Variants in PROSER2 observed in about 807,000 individuals in gnomAD.
PROSER2 encodes proline and serine rich 2.
Under a neutral mutation model 14.6 loss-of-function variants are expected in PROSER2, and 18 were observed. The observed-to-expected ratio is 1.23, with a 90% CI of 0.85 to 1.83. The LOEUF (loss-of-function observed/expected upper bound fraction) is 1.83. Ranked by LOEUF, PROSER2 falls within the 40% of genes most tolerant of loss-of-function variation. The probability of loss-of-function intolerance (pLI) is 0.00; values close to 1 mark genes in which losing one functional copy is unlikely to be tolerated. For missense variants in PROSER2, 823 were observed against 629.8 expected (o/e 1.31, Z -3.28); for synonymous variants, 367 against 286.4 (o/e 1.28, Z -2.84).
In PROSER2 at chr10:11,862,188, G is replaced by A. The variant is rs1352615223; in HGVS notation, c.139-4343G>A. Among the ~76,000 whole-genome samples, 3 of 152,166 alleles carry A rather than the reference G, an allele frequency of 2.0e-5. No individual in the cohort carries two copies. The highest frequency in any genetic ancestry group is 2.4e-5 in the African/African-American group (1 of 41,436). On this transcript the variant is annotated intron_variant, in intron 2 of 3. Coordinates refer to ENST00000277570, the MANE Select transcript of PROSER2 (RefSeq NM_153256.4). The surrounding 1 kb of genome is among the most constrained non-coding windows in gnomAD (Gnocchi z 4.2). ...CATATTCATGGGTCAAGAAAAGATCGCAGAGACATCAGTTCTCTGCAATTT... is the reference window on the plus strand; with the variant it reads ...CATATTCATGGGTCAAGAAAAGATCACAGAGACATCAGTTCTCTGCAATTT...
chr10:11,825,447 TAAG>T (rs1247036453), intron 1 of PROSER2, among the ~76,000 whole-genome samples: 2 of 152,154 alleles, frequency 1.3e-5, no homozygotes, highest in Non-Finnish European at 2.9e-5. Context: ...CTCTGTGCTC[TAAG>T]AAGAGGGCCT....
chr10:11,870,106 G>A lies in PROSER2; in HGVS notation c.1008G>A (p.Pro336=), dbSNP rs1834447397. The change falls in exon 4 of 4, where the codon CCG becomes CCA. Residue 336 remains proline (P), a synonymous_variant. Transcript: ENST00000277570. ...AESLRAGGQA[P]RGPALANGFP... ...GTCTCCGGGCAGGGGGTCAGGCTCC[G>A]CGGGGCCCGGCGCTGGCCAACGGCT... 2.2e-5 allele frequency: 29 copies of A among 1,322,150 alleles called. No individual in the cohort carries two copies. The highest frequency in any genetic ancestry group is 2.7e-5 in the Non-Finnish European group (28 of 1,038,470). 81.9% of individuals were successfully genotyped at this position (1,322,150 alleles called of 1,614,324 possible).
intron 1 of PROSER2, among the ~76,000 whole-genome samples, chr10:11,849,290 C>T (rs11257360): frequency 6.7e-4 from 102 of 152,316 alleles, no homozygotes; most frequent in African/African-American, 2.4e-3. Context: ...AACATTGTTA[C>T]ATATCTGTCT....
intron 2 of PROSER2, among the ~76,000 whole-genome samples, chr10:11,863,708 C>T (rs1324495477): frequency 6.6e-6 from 1 of 152,174 alleles, no homozygotes; most frequent in Non-Finnish European, 1.5e-5. Context: ...TTTACCTCCA[C>T]TATTGACATA....
rs1833785062 is a variant in PROSER2, at chr10:11,837,968, C to T, written c.-81-14029C>T. 7.2e-5 allele frequency among the ~76,000 whole-genome samples: 11 copies of T among 151,818 alleles called. No individual in the cohort carries two copies. The South Asian group carries it at 2.1e-3, about 29-fold the overall frequency. On this transcript the variant is annotated intron_variant, in intron 1 of 3. Transcript: ENST00000277570. The surrounding 1 kb of genome is among the most constrained non-coding windows in gnomAD (Gnocchi z 4.6). ...ATTGCCCCGGGGTTTCTAGGTGGTG[C>T]CTGTCTTTTCTTCCCTCATTAGATC...
chr10:11,851,436 A>G (rs1021011380), intron 1 of PROSER2: 8 of 152,200 alleles, frequency 5.3e-5, no homozygotes, highest in Admixed American at 3.3e-4. Flanking sequence ...CCATGGTAAC[A>G]TGTTAGCTCT....
intron 1 of PROSER2, among the ~76,000 whole-genome samples, chr10:11,829,389 A>T (rs1833660187): frequency 6.6e-6 from 1 of 151,548 alleles, no homozygotes. Flanking sequence ...GTTTGAGACC[A>T]GTCTGGGAAA....
chr10:11,840,955 A>ATATATAT (rs60359125), intron 1 of PROSER2, among the ~76,000 whole-genome samples: 1 of 18,888 alleles, frequency 5.3e-5, no homozygotes, highest in African/African-American at 2.1e-4. Flanking sequence ...AAAAAAAAAA[A>ATATATAT]ATATATATAT....
intron 2 of PROSER2, among the ~76,000 whole-genome samples, chr10:11,859,910 C>T (rs1345411759): frequency 6.6e-6 from 1 of 152,250 alleles, no homozygotes; most frequent in African/African-American, 2.4e-5. Context: ...CCATGACCTG[C>T]TCCCCCAGGC....
intron 1 of PROSER2, among the ~76,000 whole-genome samples, chr10:11,833,925 G>C (rs982400887): frequency 2.7e-5 from 4 of 149,230 alleles, no homozygotes; most frequent in Non-Finnish European, 5.9e-5. Flanking sequence ...AAGCTTTGAA[G>C]CCTGGGAGGA....
At chr10:11,864,592 C>CTTTTTTTTTTTTTTTTTTTTT (rs533338162) in intron 2 of PROSER2, among the ~76,000 whole-genome samples, 1 of 139,664 alleles carries the variant, frequency 7.2e-6, no homozygotes. Context: ...TTTTTTTTTT[C>CTTTTTTTTTTTTTTTTTTTTT]TTTTTTTTTT....
intron 2 of PROSER2, among the ~76,000 whole-genome samples, chr10:11,860,412 C>T (rs1327650316): frequency 2.0e-5 from 3 of 151,774 alleles, no homozygotes; most frequent in Non-Finnish European, 4.4e-5. Context: ...GTCAGGAGTT[C>T]GAGACCAGGC....
intron 2 of PROSER2, among the ~76,000 whole-genome samples, chr10:11,854,801 A>G (rs112544439): frequency 1.3e-5 from 2 of 152,318 alleles, no homozygotes; most frequent in African/African-American, 2.4e-5. Flanking sequence ...CTTAGCAGCC[A>G]GTCCCTATCA....
At position 11,866,899 on chromosome 10, in the gene PROSER2, A is replaced by AT; in HGVS notation, c.391+121dup. ...AGTAGAAGTTGTTGAGTCTTACCAGATTTTTATAGGGGAAAATACTCCTTG... is the reference window on the plus strand; with the variant it reads ...AGTAGAAGTTGTTGAGTCTTACCAGATTTTTTATAGGGGAAAATACTCCTTG... On this transcript the variant is annotated intron_variant, in intron 3 of 3. Coordinates refer to ENST00000277570, the MANE Select transcript of PROSER2 (RefSeq NM_153256.4). The surrounding 1 kb of genome is among the most constrained non-coding windows in gnomAD (Gnocchi z 6.0). 8.2e-7 allele frequency: 1 copy of AT among 1,219,646 alleles called. No individual in the cohort carries two copies. The highest frequency in any genetic ancestry group is 1.1e-6 in the Non-Finnish European group (1 of 896,156). 75.6% of individuals were successfully genotyped at this position (1,219,646 alleles called of 1,614,324 possible).
At chr10:11,833,725 T>C (rs1192913559) in intron 1 of PROSER2, among the ~76,000 whole-genome samples, 2 of 151,640 alleles carry the variant, frequency 1.3e-5, no homozygotes, top group Non-Finnish European at 2.9e-5. Flanking sequence ...CTACAAGGAG[T>C]TTATCGTCTA....
chr10:11,860,976 T>C (rs1008609727), intron 2 of PROSER2, among the ~76,000 whole-genome samples: 6 of 152,030 alleles, frequency 3.9e-5, no homozygotes, highest in Non-Finnish European at 7.4e-5. Context: ...CGTGGTGGCG[T>C]GCACCTGTAG....
In PROSER2 at chr10:11,854,138, G is replaced by A. The variant is rs576833650; in HGVS notation, c.138+1923G>A. Among the ~76,000 whole-genome samples, 17 of 152,308 alleles carry A rather than the reference G, an allele frequency of 1.1e-4. No homozygotes were observed. The East Asian group carries it at 1.5e-3, about 14-fold the overall frequency. On this transcript the variant is annotated intron_variant, in intron 2 of 3. Coordinates refer to ENST00000277570, the MANE Select transcript of PROSER2 (RefSeq NM_153256.4). Reference sequence around the variant, plus strand: ...CTGATGTTGGAGGAATGTTCTGGTCGTGTTTCCTTGCCTTCCCCTCAGGCC... The same window carrying A: ...CTGATGTTGGAGGAATGTTCTGGTCATGTTTCCTTGCCTTCCCCTCAGGCC...
intron 1 of PROSER2, among the ~76,000 whole-genome samples, chr10:11,845,879 G>GGCCAC (rs2131063703): frequency 6.6e-6 from 1 of 152,320 alleles, no homozygotes; most frequent in Admixed American, 6.5e-5. Context: ...GGTTCTGGTG[G>GGCCAC]GGGGACCCTC....
intron 1 of PROSER2, among the ~76,000 whole-genome samples, chr10:11,835,264 C>T (rs74116457): frequency 0.015 from 2,238 of 152,188 alleles, 46 homozygotes; most frequent in African/African-American, 0.051. Context: ...CTGAAGTTGG[C>T]TCTGTGCACT....
Sources: gnomAD v4.1 joint callset for allele counts (sites outside exome capture counted in the v4.1 genomes callset) on GRCh38, gnomAD v4.1.1 for gene constraint, Gnocchi (gnomAD v3.1) non-coding constraint, MANE v1.5 for transcripts, NCBI Gene and HGNC (gene_info 2026-07-23, HGNC 2026-07-21) for gene names.